The following CDH13 variants were observed in gnomAD, a reference collection of about 807,000 sequenced individuals.
CDH13 encodes cadherin 13.
CDH13 carries 24 observed loss-of-function variants against 63.8 expected under a neutral mutation model. The ratio of observed to expected loss-of-function variants is 0.38; its 90% confidence interval spans 0.27 to 0.53. CDH13 has a LOEUF of 0.53. Among genes scored for constraint, CDH13 ranks in the 20% least tolerant of loss-of-function variants. The pLI is 0.85. For synonymous variants in CDH13, 503 were observed against 355.3 expected (o/e 1.42, Z -4.67); for missense variants, 1,049 against 903.1 (o/e 1.16, Z -2.07).
chr16:83,712,186 T>C (rs1908165073), intron 10 of CDH13, among the ~76,000 whole-genome samples: 1 of 152,158 alleles, frequency 6.6e-6, no homozygotes, highest in African/African-American at 2.4e-5. Context: ...ACATATATAT[T>C]TGGGGAAACA....
At position 83,748,253 on chromosome 16, in the gene CDH13, G is replaced by A; in HGVS notation, c.1681+3G>A. The A allele has an allele frequency of 6.2e-7, 1 of 1,604,674 alleles. No individual in the cohort carries two copies. The highest frequency in any genetic ancestry group is 8.5e-7 in the Non-Finnish European group (1 of 1,172,860). ...TCTCTTCCTGGCAATTGACAGTGGT[G>A]AGTACTTGACAAAGACCATCAAGGG... On this transcript the variant is annotated splice_donor_region_variant and intron_variant, in intron 11 of 13. Coordinates refer to ENST00000567109, the MANE Select transcript of CDH13 (RefSeq NM_001257.5).
chr16:83,438,930 G>A (rs931351433), intron 6 of CDH13, among the ~76,000 whole-genome samples: 1 of 152,152 alleles, frequency 6.6e-6, no homozygotes, highest in Non-Finnish European at 1.5e-5. Context: ...GGAATTATTA[G>A]AGGCAGCACA....
intron 8 of CDH13, among the ~76,000 whole-genome samples, chr16:83,622,994 T>A (rs947816413): frequency 1.3e-5 from 2 of 152,140 alleles, no homozygotes; most frequent in Admixed American, 1.3e-4. Flanking sequence ...AAATTCAGAG[T>A]GCTTTGGGAA....
At chr16:82,806,542 A>G (rs1331405552) in intron 1 of CDH13, among the ~76,000 whole-genome samples, 1 of 152,210 alleles carries the variant, frequency 6.6e-6, no homozygotes, top group Non-Finnish European at 1.5e-5. Context: ...TCCTGAGGCA[A>G]TTAAACAGAA....
intron 7 of CDH13, among the ~76,000 whole-genome samples, chr16:83,586,756 G>A (rs1335222466): frequency 3.9e-5 from 6 of 152,138 alleles, no homozygotes; most frequent in South Asian, 2.1e-4. Flanking sequence ...ACTGTACCAG[G>A]CATAAAATCA....
At chr16:82,696,685 G>A (rs901319634) in intron 1 of CDH13, among the ~76,000 whole-genome samples, 1 of 152,186 alleles carries the variant, frequency 6.6e-6, no homozygotes, top group African/African-American at 2.4e-5. Flanking sequence ...TAGGTCAACT[G>A]TGGTGGTTTC....
rs116428635 is a variant in CDH13 at position 83,408,649 on chromosome 16, T to C, written c.781+63643T>C. 6.8e-3 allele frequency among the ~76,000 whole-genome samples: 1,036 copies of C among 152,350 alleles called. 10 individuals are homozygous for C. The highest frequency in any genetic ancestry group is 0.024 in the African/African-American group (991 of 41,580). ...ATATGTGGCCCATCATTGACTGATATATTGTTATCCAGCAATGACTGTACT... is the reference window on the plus strand; with the variant it reads ...ATATGTGGCCCATCATTGACTGATACATTGTTATCCAGCAATGACTGTACT... On this transcript the variant is annotated intron_variant, in intron 6 of 13. Transcript: ENST00000567109.
At chr16:82,668,603 T>C (rs898896315) in intron 1 of CDH13, among the ~76,000 whole-genome samples, 1 of 152,206 alleles carries the variant, frequency 6.6e-6, no homozygotes, top group Admixed American at 6.5e-5. Flanking sequence ...TGATAAGAGT[T>C]TGAGGCCCTG....
intron 2 of CDH13, among the ~76,000 whole-genome samples, chr16:82,966,016 G>C (rs763994532): frequency 5.9e-5 from 9 of 152,204 alleles, no homozygotes; most frequent in Non-Finnish European, 1.0e-4. Context: ...TTGACCAAGC[G>C]TCTTGGCTAG....
intron 7 of CDH13, among the ~76,000 whole-genome samples, chr16:83,565,162 A>C (rs1237838835): frequency 6.6e-6 from 1 of 151,010 alleles, no homozygotes; most frequent in Non-Finnish European, 1.5e-5. Flanking sequence ...TCCTTTTCAG[A>C]CTCTTGTCCT....
chr16:83,303,332 G>C (rs767136495), intron 5 of CDH13, among the ~76,000 whole-genome samples: 3 of 152,192 alleles, frequency 2.0e-5, no homozygotes, highest in African/African-American at 4.8e-5. Flanking sequence ...TAACCCAGTA[G>C]GTCCAGATGC....
At chr16:83,057,113 C>T (rs371638608) in intron 3 of CDH13, among the ~76,000 whole-genome samples, 108 of 152,142 alleles carry the variant, frequency 7.1e-4, no homozygotes, top group African/African-American at 2.4e-3. Flanking sequence ...ATTACAGGCA[C>T]GTGCCACCAC....
chr16:83,529,998 T>A (rs2075047894), intron 7 of CDH13, among the ~76,000 whole-genome samples: 1 of 152,076 alleles, frequency 6.6e-6, no homozygotes, highest in African/African-American at 2.4e-5. Flanking sequence ...TCTAGTGACT[T>A]CTCTGGAGTT....
At chr16:82,806,990 G>A (rs1050745797) in intron 1 of CDH13, among the ~76,000 whole-genome samples, 1 of 152,046 alleles carries the variant, frequency 6.6e-6, no homozygotes, top group Non-Finnish European at 1.5e-5. Flanking sequence ...AGCAAAGGAA[G>A]CAGCTATCTT....
At chr16:82,857,882 C>T (rs1246151561) in intron 1 of CDH13, among the ~76,000 whole-genome samples, 5 of 152,154 alleles carry the variant, frequency 3.3e-5, no homozygotes. Context: ...ACCGGTGGTT[C>T]ATGGTCACCA....
chr16:83,272,877 G>A lies in CDH13; in HGVS notation c.636+55380G>A, dbSNP rs73595916. Among the ~76,000 whole-genome samples, 413 of 152,272 alleles carry A rather than the reference G, an allele frequency of 2.7e-3. 2 individuals are homozygous for A. Among genetic ancestry groups the A allele is most frequent in the African/African-American group, 9.3e-3 (387 of 41,554 alleles). On this transcript the variant is annotated intron_variant, in intron 5 of 13. Transcript: ENST00000567109. ...AGTCAGCCCTGTGGGGATTTTAGAC[G>A]TGGATTGTACTCTGAGAGCTAATGA...
At chr16:83,620,362 A>G (rs968769039) in intron 8 of CDH13, among the ~76,000 whole-genome samples, 1 of 141,700 alleles carries the variant, frequency 7.1e-6, no homozygotes, top group Middle Eastern at 4.0e-3. Context: ...CTGCACTACA[A>G]CCTGTCGACA....
chr16:83,015,723 A>ATATATATATAT (rs1293160001), intron 2 of CDH13, among the ~76,000 whole-genome samples: 183 of 125,600 alleles, frequency 1.5e-3, no homozygotes, highest in East Asian at 3.0e-3. Context: ...ATATATATAT[A>ATATATATATAT]AAGAAAAAGC....
intron 2 of CDH13, among the ~76,000 whole-genome samples, chr16:82,880,340 G>A (rs995330511): frequency 6.6e-6 from 1 of 151,984 alleles, no homozygotes; most frequent in Non-Finnish European, 1.5e-5. Flanking sequence ...ACTGTCTCTC[G>A]TTTCACTTAC....
Sources: gnomAD v4.1 joint callset for allele counts (sites outside exome capture counted in the v4.1 genomes callset) on GRCh38, gnomAD v4.1.1 for gene constraint, MANE v1.5 for transcripts, NCBI Gene and HGNC (gene_info 2026-07-23, HGNC 2026-07-21) for gene names.